Variants in TLN2 observed in about 807,000 individuals in gnomAD.
The protein encoded by TLN2 is talin-2.
Under a neutral mutation model 294.7 loss-of-function variants are expected in TLN2, and 118 were observed. The ratio of observed to expected loss-of-function variants is 0.40; its 90% confidence interval spans 0.34 to 0.47. TLN2 has a LOEUF of 0.47. Among genes scored for constraint, TLN2 ranks in the 20% least tolerant of loss-of-function variants. TLN2 has a pLI of 0.84. For synonymous variants in TLN2, 1,431 were observed against 1,304.5 expected, an observed-to-expected ratio of 1.10 and a Z score of -2.09; for missense variants, 3,083 against 3,282.2, an observed-to-expected ratio of 0.94 and a Z score of 1.48.
intron 50 of TLN2, among the ~76,000 whole-genome samples, chr15:62,801,616 G>A (rs2065933047): frequency 6.6e-6 from 1 of 152,130 alleles, no homozygotes; most frequent in African/African-American, 2.4e-5. Flanking sequence ...ACAGAAACTT[G>A]GGTTTTCTTG....
chr15:62,774,953 CT>C lies in TLN2; in HGVS notation c.5368-1790del, dbSNP rs36003657. On this transcript the variant is annotated intron_variant, in intron 42 of 58. Transcript: ENST00000636159. ...TCATATGAATGTGTAGAATTGCTGG[CT>C]TTTTTTTTTTTTTTTTTTTTGAGAT... Among the ~76,000 whole-genome samples, 676 of 101,456 alleles carry C rather than the reference CT, an allele frequency of 6.7e-3. 2 individuals carry two copies. Among genetic ancestry groups the C allele is most frequent in the African/African-American group, 0.016 (452 of 27,686 alleles). The allele number at this position is 101,456 out of a possible 152,430, so 66.6% of individuals were successfully genotyped here.
intron 45 of TLN2, chr15:62,784,160 C>T: frequency 2.2e-6 from 1 of 461,670 alleles, no homozygotes; most frequent in South Asian, 7.1e-5. Context: ...TATCAGGTCC[C>T]CTGTCCCTAG....
intron 1 of TLN2, among the ~76,000 whole-genome samples, chr15:62,532,502 C>A (rs1364617134): frequency 1.3e-5 from 2 of 152,152 alleles, no homozygotes; most frequent in East Asian, 3.9e-4. Context: ...CTCTCCAGAG[C>A]CCTTTACGAC....
chr15:62,591,198 G>A (rs553745994), intron 2 of TLN2, among the ~76,000 whole-genome samples: 1 of 152,200 alleles, frequency 6.6e-6, no homozygotes, highest in Admixed American at 6.5e-5. Flanking sequence ...TTTGTCTTTA[G>A]ATTGTATGTA....
intron 9 of TLN2, among the ~76,000 whole-genome samples, chr15:62,668,022 A>G (rs1447617212): frequency 6.6e-6 from 1 of 152,176 alleles, no homozygotes; most frequent in African/African-American, 2.4e-5. Context: ...TCAAATACAT[A>G]GAAACGGTAG....
intron 3 of TLN2, among the ~76,000 whole-genome samples, chr15:62,620,877 C>A (rs1349027212): frequency 7.0e-6 from 1 of 142,558 alleles, no homozygotes; most frequent in African/African-American, 2.6e-5. Context: ...GAGTCTCTGT[C>A]GCCCAGGCTG....
rs1736198460 is a variant in TLN2 at position 62,704,285 on chromosome 15, C to A, written c.2004+1421C>A. On this transcript the variant is annotated intron_variant, in intron 19 of 58. Coordinates refer to ENST00000636159, the MANE Select transcript of TLN2 (RefSeq NM_015059.3). The stretch of plus-strand genomic sequence containing the variant: ...ATTAACTACCTGACACTTCTAAATA[C>A]CTTTTTTCCTGCATTTTTGACTTCA... Among the ~76,000 whole-genome samples the A allele has an allele frequency of 1.3e-5, 2 of 152,170 alleles. 1 individual carries two copies. The highest frequency in any genetic ancestry group is 4.1e-4 in the South Asian group (2 of 4,830).
chr15:62,800,409 TTC>T lies in TLN2; in HGVS notation c.6278_6279del (p.Ser2093Ter). The T allele has an allele frequency of 6.2e-7, 1 of 1,614,212 alleles. No homozygotes were observed. Among genetic ancestry groups the T allele is most frequent in the Non-Finnish European group, 8.5e-7 (1 of 1,180,052 alleles). On this transcript the variant is annotated frameshift_variant, in exon 49 of 59. Coordinates refer to ENST00000636159, the MANE Select transcript of TLN2 (RefSeq NM_015059.3). LOFTEE classifies it high-confidence loss of function. ...CCATCAAAGATGTGGCCAAGGCCCT[TTC>T]TGATCTCATCAGTGCTACCAAGGGA... Reference protein sequence around the residue: ...NAIKDVAKALSDLISATKGAA... With the variant: ...NAIKDVAKALXDLISATKGAA...
chr15:62,820,687 T>A, intron 54 of TLN2, 77 bp downstream of exon 54: 1 of 1,543,770 alleles, frequency 6.5e-7, no homozygotes, highest in Admixed American at 1.8e-5. Context: ...GAGCTAGGAG[T>A]GCTGCAGGGA....
chr15:62,639,686 G>C (rs1029393253), intron 3 of TLN2, among the ~76,000 whole-genome samples: 4 of 152,206 alleles, frequency 2.6e-5, no homozygotes, highest in African/African-American at 9.7e-5. Flanking sequence ...CTTTTCCTGA[G>C]CTTACTATCG....
intron 40 of TLN2, 31 bp from the exon 41 acceptor site, chr15:62,766,290 G>A: frequency 1.9e-6 from 3 of 1,591,332 alleles, no homozygotes; most frequent in Non-Finnish European, 1.7e-6. Context: ...GAGCTGTTAT[G>A]GGATGAACTT....
chr15:62,792,496 C>A, intron 45 of TLN2, 145 bp from the exon 46 acceptor site: 1 of 1,132,352 alleles, frequency 8.8e-7, no homozygotes, highest in Non-Finnish European at 1.2e-6. Flanking sequence ...AAATTCCATA[C>A]TTCACCAAAC....
intron 16 of TLN2, 23 bp downstream of exon 16, chr15:62,698,890 C>A: frequency 6.2e-7 from 1 of 1,601,030 alleles, no homozygotes; most frequent in Non-Finnish European, 8.5e-7. Context: ...CAGTGGTTTT[C>A]ATGCCAAGTC....
intron 1 of TLN2, among the ~76,000 whole-genome samples, chr15:62,454,834 C>T (rs1001045277): frequency 3.3e-5 from 5 of 152,138 alleles, no homozygotes; most frequent in East Asian, 3.9e-4. Flanking sequence ...TGAACTCTTT[C>T]GGATGGCTTC....
At chr15:62,724,935 C>G in intron 26 of TLN2, 41 bp from the exon 27 acceptor site, 1 of 1,574,466 alleles carries the variant, frequency 6.4e-7, no homozygotes, top group Non-Finnish European at 8.6e-7. Flanking sequence ...GACACTTTTC[C>G]CAAGCAGACT....
At chr15:62,806,063 G>A (rs931078020) in intron 51 of TLN2, among the ~76,000 whole-genome samples, 18 of 152,080 alleles carry the variant, frequency 1.2e-4, no homozygotes, top group Non-Finnish European at 2.2e-4. Context: ...GTGGTGGTGT[G>A]TACCTGTGGT....
At chr15:62,579,031 G>T (rs960633891) in intron 1 of TLN2, among the ~76,000 whole-genome samples, 6 of 152,182 alleles carry the variant, frequency 3.9e-5, no homozygotes, top group African/African-American at 7.2e-5. Flanking sequence ...GCAAGAGTAG[G>T]AGGAACCACA....
chr15:62,727,468 C>T (rs772479031), intron 28 of TLN2, among the ~76,000 whole-genome samples: 6 of 152,138 alleles, frequency 3.9e-5, no homozygotes, highest in Non-Finnish European at 5.9e-5. Flanking sequence ...ATCCTGGAAT[C>T]CCGCTAAAGT....
chr15:62,600,154 C>G (rs372658807), intron 2 of TLN2, among the ~76,000 whole-genome samples: 1 of 152,248 alleles, frequency 6.6e-6, no homozygotes, highest in Non-Finnish European at 1.5e-5. Flanking sequence ...GTGGGTTATA[C>G]AGGACAGAAG....
Sources: allele counts gnomAD v4.1 joint callset (sites outside exome capture counted in the v4.1 genomes callset), GRCh38; gene constraint gnomAD v4.1.1; transcripts MANE v1.5; gene names NCBI Gene and HGNC (gene_info 2026-07-23, HGNC 2026-07-21).